The following DLGAP1 variants were observed in gnomAD, a reference collection of about 807,000 sequenced individuals.
DLGAP1 encodes disks large-associated protein 1.
DLGAP1 carries 11 observed loss-of-function variants against 90.8 expected under a neutral mutation model. The ratio of observed to expected loss-of-function variants is 0.12; its 90% CI spans 0.08 to 0.20. The LOEUF is 0.20. Among genes scored for constraint, DLGAP1 ranks in the 10% least tolerant of loss-of-function variants. The pLI, the probability that DLGAP1 is intolerant of heterozygous loss-of-function variation, is 1.00. For missense variants in DLGAP1, 1,050 were observed against 1,333.8 expected (o/e 0.79, Z 3.31); for synonymous variants, 558 against 540.7 (o/e 1.03, Z -0.44).
At chr18:3,919,923 A>G (rs1486358652) in intron 3 of DLGAP1, among the ~76,000 whole-genome samples, 1 of 152,218 alleles carries the variant, frequency 6.6e-6, no homozygotes, top group African/African-American at 2.4e-5. Flanking sequence ...ACAGAGGCGC[A>G]GTTAGATACA....
intron 2 of DLGAP1, among the ~76,000 whole-genome samples, chr18:4,038,102 T>C (rs2074918513): frequency 6.6e-6 from 1 of 152,248 alleles, no homozygotes; most frequent in Non-Finnish European, 1.5e-5. Context: ...AATACAGGCA[T>C]GATTCTTCAT....
At chr18:3,763,134 C>A (rs1452875593) in intron 5 of DLGAP1, among the ~76,000 whole-genome samples, 1 of 152,076 alleles carries the variant, frequency 6.6e-6, no homozygotes, top group Admixed American at 6.5e-5. Flanking sequence ...AAAGGCAGAC[C>A]CACCCTTAAT....
intron 4 of DLGAP1, among the ~76,000 whole-genome samples, chr18:3,819,207 G>A (rs553489134): frequency 6.6e-6 from 1 of 152,130 alleles, no homozygotes; most frequent in African/African-American, 2.4e-5. Flanking sequence ...CTATTCAGGA[G>A]GCTGAAGCAG....
At chr18:3,540,159 G>T (rs1398019280) in intron 9 of DLGAP1, among the ~76,000 whole-genome samples, 1 of 151,926 alleles carries the variant, frequency 6.6e-6, no homozygotes, top group East Asian at 1.9e-4. Flanking sequence ...CGGGCGTGAG[G>T]AGACCGAGAT....
intron 5 of DLGAP1, among the ~76,000 whole-genome samples, chr18:3,767,838 T>A (rs970349180): frequency 6.6e-6 from 1 of 152,144 alleles, no homozygotes; most frequent in African/African-American, 2.4e-5. Flanking sequence ...AAAGACAGAA[T>A]GTTTTCCCCC....
At chr18:4,204,124 TA>T (rs1481332435) in intron 1 of DLGAP1, among the ~76,000 whole-genome samples, 1 of 152,238 alleles carries the variant, frequency 6.6e-6, no homozygotes, top group Non-Finnish European at 1.5e-5. Context: ...TCATCTTCTA[TA>T]ATATTTAACT....
intron 1 of DLGAP1, among the ~76,000 whole-genome samples, chr18:4,257,965 T>A (rs1367965933): frequency 1.5e-5 from 2 of 130,912 alleles, no homozygotes; most frequent in African/African-American, 5.9e-5. Flanking sequence ...ACAACAAGAG[T>A]TATACATATG....
chr18:4,171,672 T>C (rs2077028970), intron 1 of DLGAP1, among the ~76,000 whole-genome samples: 1 of 152,190 alleles, frequency 6.6e-6, no homozygotes, highest in Non-Finnish European at 1.5e-5. Flanking sequence ...GATTCAAAGT[T>C]ATTTTCTAAA....
chr18:3,641,130 C>CTA (rs1415623828), intron 7 of DLGAP1, among the ~76,000 whole-genome samples: 29 of 151,996 alleles, frequency 1.9e-4, no homozygotes, highest in Non-Finnish European at 2.8e-4. Context: ...ATATGTAATA[C>CTA]TATATGTGTG....
chr18:3,636,817 C>T (rs1270339148), intron 7 of DLGAP1, among the ~76,000 whole-genome samples: 1 of 150,278 alleles, frequency 6.7e-6, no homozygotes, highest in Non-Finnish European at 1.5e-5. Flanking sequence ...ATCCGCCTCC[C>T]AGGTTCAAGT....
chr18:4,344,110 A>G (rs975093331), intron 1 of DLGAP1, among the ~76,000 whole-genome samples: 5 of 152,236 alleles, frequency 3.3e-5, no homozygotes, highest in African/African-American at 1.2e-4. Context: ...AAAGACAGAC[A>G]ACATCAGCAA....
chr18:4,376,579 T>C (rs1474802021), intron 1 of DLGAP1, among the ~76,000 whole-genome samples: 2 of 152,180 alleles, frequency 1.3e-5, no homozygotes, highest in African/African-American at 4.8e-5. Flanking sequence ...ATTTAGGATA[T>C]AATAGTTTTA....
intron 1 of DLGAP1, among the ~76,000 whole-genome samples, chr18:4,444,922 T>C (rs1354433351): frequency 6.6e-6 from 1 of 152,180 alleles, no homozygotes; most frequent in Non-Finnish European, 1.5e-5. Flanking sequence ...AATTAATTTG[T>C]CCAAAGTCGT....
At chr18:3,501,452 C>T (rs1021159961) in intron 12 of DLGAP1, among the ~76,000 whole-genome samples, 1 of 152,144 alleles carries the variant, frequency 6.6e-6, no homozygotes, top group African/African-American at 2.4e-5. Context: ...ACTACGACCC[C>T]CATTTTGATG....
At chr18:4,431,524 T>A (rs1027536102) in intron 1 of DLGAP1, among the ~76,000 whole-genome samples, 2 of 152,232 alleles carry the variant, frequency 1.3e-5, no homozygotes, top group South Asian at 4.1e-4. Flanking sequence ...TAAAACGGGA[T>A]CCTCTTCTGG....
intron 2 of DLGAP1, among the ~76,000 whole-genome samples, chr18:4,089,732 A>G (rs1486068798): frequency 6.6e-6 from 1 of 152,206 alleles, no homozygotes; most frequent in East Asian, 1.9e-4. Flanking sequence ...CTGGCTAGCC[A>G]TATGTAGAAA....
rs182071904 is a variant in DLGAP1 at position 3,622,165 on chromosome 18, C to T, written c.1592-39917G>A. Among the ~76,000 whole-genome samples, 7 of 151,658 alleles carry T rather than the reference C, an allele frequency of 4.6e-5. No homozygotes were observed. The South Asian group carries it at 6.3e-4, about 14-fold the overall frequency. On this transcript the variant is annotated intron_variant, in intron 7 of 12. Coordinates refer to ENST00000315677, the MANE Select transcript of DLGAP1 (RefSeq NM_004746.4). Reference sequence around the variant, plus strand: ...TGTCGCCCAGGCTAGAGTGCAGTGACGTGATCTTGGCTCACTGCCAGCTCC... The same window carrying T: ...TGTCGCCCAGGCTAGAGTGCAGTGATGTGATCTTGGCTCACTGCCAGCTCC...
At chr18:3,953,073 G>C (rs1257527954) in intron 3 of DLGAP1, among the ~76,000 whole-genome samples, 2 of 152,182 alleles carry the variant, frequency 1.3e-5, no homozygotes, top group Non-Finnish European at 2.9e-5. Context: ...TTTTTCAAAA[G>C]TTAATTGTCC....
At chr18:4,191,787 C>T (rs963610444) in intron 1 of DLGAP1, among the ~76,000 whole-genome samples, 4 of 152,130 alleles carry the variant, frequency 2.6e-5, no homozygotes, top group Admixed American at 6.6e-5. Context: ...TCTCAGGATG[C>T]GGTGCATCCT....
Sources: allele counts gnomAD v4.1 joint callset (sites outside exome capture counted in the v4.1 genomes callset), GRCh38; gene constraint gnomAD v4.1.1; transcripts MANE v1.5; gene names NCBI Gene and HGNC (gene_info 2026-07-23, HGNC 2026-07-21).